SYT15: variants seen among roughly 807,000 people sequenced by gnomAD.
SYT15 encodes the protein synaptotagmin-15.
A neutral mutation model predicts 30.1 loss-of-function variants in SYT15; 4 were observed. The observed-to-expected ratio is 0.13, with a 90% CI of 0.07 to 0.30. The LOEUF (loss-of-function observed/expected upper bound fraction) is 0.30, where lower values mean the gene tolerates loss of function less well. SYT15 is among the 10% of genes least tolerant of loss of function. The pLI is 1.00. For synonymous variants in SYT15, 19 were observed against 166.3 expected (o/e 0.11, Z 6.82); for missense variants, 49 against 371.7 (o/e 0.13, Z 7.14).
chr10:46,586,451 C>G, intron 7 of SYT15, among the ~76,000 whole-genome samples: 1 of 83,888 alleles, frequency 1.2e-5, no homozygotes. Flanking sequence ...GAGGCTGAGG[C>G]AGGAGAATGG....
chr10:46,584,282 T>C (rs1487600623), intron 5 of SYT15, among the ~76,000 whole-genome samples: 2 of 151,808 alleles, frequency 1.3e-5, no homozygotes, highest in Non-Finnish European at 2.9e-5. Context: ...TGGGTGTGAC[T>C]CCTTAGCTCT....
intron 3 of SYT15, among the ~76,000 whole-genome samples, chr10:46,581,280 AC>A (rs1456338461): frequency 7.6e-6 from 1 of 131,990 alleles, no homozygotes; most frequent in East Asian, 2.1e-4. Context: ...AGGAATTATC[AC>A]CCCATTTTAC....
At chr10:46,594,834 A>C (rs1416093858), downstream of SYT15, among the ~76,000 whole-genome samples, 9 of 102,806 alleles carry the variant, frequency 8.8e-5, no homozygotes, top group Non-Finnish European at 1.5e-4. Context: ...CAGCCTTTCC[A>C]GTTGTTCTTG....
Position 46,591,726 on chromosome 10 carries a change from GTTATTATGAA to G in SYT15, c.*4082_*4091del, listed in dbSNP as rs1482887681. The G allele has an allele frequency of 7.0e-6, 1 of 141,852 alleles. No homozygotes were observed. The highest frequency in any genetic ancestry group is 2.0e-4 in the East Asian group (1 of 4,994). The allele number at this position is 141,852 out of a possible 1,614,324, so 8.8% of individuals were successfully genotyped here. A position where few individuals can be genotyped will look rare whatever the true frequency, so the allele number is the denominator to read the frequency against. On this transcript the variant is annotated 3_prime_UTR_variant, in exon 8 of 8. Transcript: ENST00000374321. ...CTGAGAGAGGATAAAGCCTGCCACT[GTTATTATGAA>G]TTTGTTTATTTCTCCTTTGAGTTTT...
At position 46,580,743 on chromosome 10, in the gene SYT15, G is replaced by A. The variant is rs1346826966; in HGVS notation, c.213-151G>A. Among the ~76,000 whole-genome samples, 3 of 139,796 alleles carry A rather than the reference G, an allele frequency of 2.1e-5. 1 individual carries two copies. Among genetic ancestry groups the A allele is most frequent in the Admixed American group, 7.0e-5 (1 of 14,222 alleles). The allele number at this position is 139,796 out of a possible 152,430, so 91.7% of individuals were successfully genotyped here. Reference sequence around the variant, plus strand: ...GCGTGTGTGTGTGTGTGTGTTGCCTGGTATGGGCCCAGAAAATGGTGCCCT... The same window carrying A: ...GCGTGTGTGTGTGTGTGTGTTGCCTAGTATGGGCCCAGAAAATGGTGCCCT... On this transcript the variant is annotated intron_variant, in intron 2 of 7. Coordinates refer to ENST00000374321, the MANE Select transcript of SYT15 (RefSeq NM_031912.5).
intron 7 of SYT15, among the ~76,000 whole-genome samples, chr10:46,586,856 GAAA>G (rs1845026756): frequency 4.1e-5 from 1 of 24,264 alleles, no homozygotes; most frequent in Non-Finnish European, 1.1e-4. Context: ...AAAAAAAAAA[GAAA>G]AGAAAAGAAA....
downstream of SYT15, chr10:46,596,190 G>T (rs1334505495): frequency 6.7e-6 from 1 of 149,698 alleles, no homozygotes; most frequent in East Asian, 1.9e-4. Flanking sequence ...CTGCTTTTGG[G>T]CCTCGATGCC....
intron 2 of SYT15, among the ~76,000 whole-genome samples, chr10:46,580,680 CTGTGTGTG>C (rs10588659): frequency 0.16 from 19,955 of 125,014 alleles, 2,912 homozygotes; most frequent in African/African-American, 0.21. Context: ...AATCCCACTG[CTGTGTGTG>C]TGTGTGTGTG....
downstream of SYT15, chr10:46,596,051 G>A (rs1414644681): frequency 6.8e-6 from 1 of 146,474 alleles, no homozygotes; most frequent in Non-Finnish European, 1.5e-5. Context: ...CACAGCCACA[G>A]GGAGGGGTGA....
chr10:46,586,619 G>A lies in SYT15; in HGVS notation c.1123+842G>A, dbSNP rs1275923846. 2.1e-5 allele frequency among the ~76,000 whole-genome samples: 3 copies of A among 141,158 alleles called. 1 individual carries two copies. Among genetic ancestry groups the A allele is most frequent in the African/African-American group, 8.3e-5 (3 of 35,932 alleles). The allele number at this position is 141,158 out of a possible 152,430, so 92.6% of individuals were successfully genotyped here. ...CCTAGCACTTTGGGAGACCGAGAGG[G>A]GTGGATCACGACGTCAAGAGATCAA... On this transcript the variant is annotated intron_variant, in intron 7 of 7. Coordinates refer to ENST00000374321, the MANE Select transcript of SYT15 (RefSeq NM_031912.5).
In SYT15 at chr10:46,580,711, T is replaced by TGTGC. The variant is rs1555036351; in HGVS notation, c.213-180_213-179insCGTG. Among the ~76,000 whole-genome samples, 163 of 122,416 alleles carry TGTGC rather than the reference T, an allele frequency of 1.3e-3. 26 individuals carry two copies. Among genetic ancestry groups the TGTGC allele is most frequent in the African/African-American group, 5.3e-3 (154 of 28,836 alleles). 80.3% of individuals were successfully genotyped at this position (122,416 alleles called of 152,430 possible). Reference sequence around the variant, plus strand: ...GTGTGTGTGTGTGTGTGTGTGTGTGTGTGTGTGCGTGTGTGTGTGTGTGTG... The same window carrying TGTGC: ...GTGTGTGTGTGTGTGTGTGTGTGTGTGTGCGTGTGTGCGTGTGTGTGTGTGTGTG... On this transcript the variant is annotated intron_variant, in intron 2 of 7. Coordinates refer to ENST00000374321, the MANE Select transcript of SYT15 (RefSeq NM_031912.5).
chr10:46,581,178 T>G, intron 3 of SYT15, 142 bp downstream of exon 3: 1 of 613,866 alleles, frequency 1.6e-6, no homozygotes, highest in South Asian at 2.2e-5. Flanking sequence ...TCTGGGTGCT[T>G]TCATTTATGA....
chr10:46,586,770 G>A lies in SYT15; in HGVS notation c.1124-735G>A, dbSNP rs376534160. Among the ~76,000 whole-genome samples the A allele has an allele frequency of 7.8e-5, 8 of 102,816 alleles. 1 individual carries two copies. The highest frequency in any genetic ancestry group is 2.9e-4 in the Admixed American group (3 of 10,304). The allele number at this position is 102,816 out of a possible 152,430, so 67.5% of individuals were successfully genotyped here. On this transcript the variant is annotated intron_variant, in intron 7 of 7. Transcript: ENST00000374321. ...TGAAGCAGAAGAATCACTTGAACCC[G>A]GGAGGCAGAGGTTGCAGTGAGCCAA...
rs1555043449 is a variant in SYT15 at position 46,590,974 on chromosome 10, T to C, written c.*3327T>C. 1 of 143,832 alleles carries C rather than the reference T, an allele frequency of 7.0e-6. No homozygotes were observed. Among genetic ancestry groups the C allele is most frequent in the Non-Finnish European group, 1.5e-5 (1 of 66,256 alleles). The allele number at this position is 143,832 out of a possible 1,614,324, so 8.9% of individuals were successfully genotyped here. ...CAGGGTGTGTACACTTTTGTGTGTG[T>C]GCGCAGGTTTATACACATAAACACA... On this transcript the variant is annotated 3_prime_UTR_variant, in exon 8 of 8. Coordinates refer to ENST00000374321, the MANE Select transcript of SYT15 (RefSeq NM_031912.5).
At chr10:46,581,181 A>G in intron 3 of SYT15, 145 bp downstream of exon 3, 1 of 621,592 alleles carries the variant, frequency 1.6e-6, no homozygotes, top group Non-Finnish European at 2.6e-6. Context: ...GGGTGCTTTC[A>G]TTTATGAAGT....
chr10:46,580,680 CTGTGTGTGTGTG>C (rs10588659), intron 2 of SYT15, among the ~76,000 whole-genome samples: 1 of 125,350 alleles, frequency 8.0e-6, no homozygotes, highest in Non-Finnish European at 1.7e-5. Flanking sequence ...AATCCCACTG[CTGTGTGTGTGTG>C]TGTGTGTGTG....
chr10:46,592,220 T>C (rs369658550), downstream of SYT15, among the ~76,000 whole-genome samples: 10 of 137,846 alleles, frequency 7.3e-5, no homozygotes, highest in South Asian at 2.3e-3. Context: ...ACAACTTCTG[T>C]ACATTATTAT....
downstream of SYT15, among the ~76,000 whole-genome samples, chr10:46,592,900 T>A: frequency 2.2e-5 from 1 of 46,448 alleles, no homozygotes; most frequent in Non-Finnish European, 3.8e-5. Context: ...CTATTTCAAA[T>A]TCATTTTTAA....
Position 46,591,040 on chromosome 10 carries a change from G to C in SYT15, c.*3393G>C, listed in dbSNP as rs868937670. ...ATTTATTTAAAATTTAGATTTATTA[G>C]AGGGAGCATGGCCATAAAATAAAAT... On this transcript the variant is annotated 3_prime_UTR_variant, in exon 8 of 8. Transcript: ENST00000374321. 7.2e-6 allele frequency: 1 copy of C among 138,920 alleles called. No individual in the cohort carries two copies. The highest frequency in any genetic ancestry group is 1.5e-5 in the Non-Finnish European group (1 of 65,126). 8.6% of individuals were successfully genotyped at this position (138,920 alleles called of 1,614,324 possible).
Sources: allele counts gnomAD v4.1 joint callset (sites outside exome capture counted in the v4.1 genomes callset), GRCh38; gene constraint gnomAD v4.1.1; transcripts MANE v1.5; gene names NCBI Gene and HGNC (gene_info 2026-07-23, HGNC 2026-07-21).